The following SYT1 variants were observed in gnomAD, a reference collection of about 807,000 sequenced individuals.
SYT1 encodes the protein synaptotagmin-1.
SYT1 carries 8 observed loss-of-function variants against 44.8 expected under a neutral mutation model. That is an observed-to-expected ratio of 0.18 (90% CI 0.10 to 0.32). The LOEUF is 0.32. Ranked by LOEUF, SYT1 falls within the 10% of genes least tolerant of loss-of-function variation. SYT1 has a pLI of 1.00. For missense variants in SYT1, 286 were observed against 509.3 expected, an observed-to-expected ratio of 0.56 and a Z score of 4.22; for synonymous variants, 154 against 188.8, an observed-to-expected ratio of 0.82 and a Z score of 1.51.
At chr12:79,098,209 C>A (rs1395553965) in intron 3 of SYT1, among the ~76,000 whole-genome samples, 1 of 151,950 alleles carries the variant, frequency 6.6e-6, no homozygotes, top group Non-Finnish European at 1.5e-5. Flanking sequence ...CAACAACTTG[C>A]CCAAAGTAAG....
intron 3 of SYT1, among the ~76,000 whole-genome samples, chr12:79,164,611 G>A (rs563953782): frequency 1.8e-3 from 271 of 152,016 alleles, no homozygotes; most frequent in African/African-American, 6.2e-3. Context: ...TCTCTGTTGA[G>A]CCTCTTGTTT....
At chr12:78,982,828 C>G (rs1235838905) in intron 2 of SYT1, among the ~76,000 whole-genome samples, 2 of 152,072 alleles carry the variant, frequency 1.3e-5, no homozygotes, top group African/African-American at 2.4e-5. Flanking sequence ...TTTTTATCTC[C>G]TACACTTCCC....
At chr12:78,871,326 T>C (rs1411394726) in intron 1 of SYT1, among the ~76,000 whole-genome samples, 1 of 151,996 alleles carries the variant, frequency 6.6e-6, no homozygotes, top group East Asian at 1.9e-4. Flanking sequence ...GTATAAACAA[T>C]AAGATAACAT....
chr12:79,262,313 G>A (rs1877873513), intron 4 of SYT1, among the ~76,000 whole-genome samples: 1 of 152,092 alleles, frequency 6.6e-6, no homozygotes, highest in Non-Finnish European at 1.5e-5. Flanking sequence ...TTCTGAAGAA[G>A]AAACTTCTCC....
intron 3 of SYT1, among the ~76,000 whole-genome samples, chr12:79,164,729 A>G (rs1039734966): frequency 1.3e-5 from 2 of 152,092 alleles, no homozygotes; most frequent in South Asian, 4.1e-4. Context: ...GTTGCTTTGC[A>G]AAGTGGATAG....
intron 4 of SYT1, among the ~76,000 whole-genome samples, chr12:79,250,823 T>C (rs1407711912): frequency 3.9e-5 from 6 of 152,186 alleles, no homozygotes. Flanking sequence ...GGGCAAATTA[T>C]GTTATCAGCA....
At chr12:79,222,916 A>G (rs1875263609) in intron 4 of SYT1, among the ~76,000 whole-genome samples, 1 of 151,462 alleles carries the variant, frequency 6.6e-6, no homozygotes, top group Non-Finnish European at 1.5e-5. Flanking sequence ...TTCTTTCATT[A>G]TATTTTTCTT....
chr12:79,220,344 TTTG>T (rs1875083503), intron 4 of SYT1, among the ~76,000 whole-genome samples: 1 of 152,022 alleles, frequency 6.6e-6, no homozygotes, highest in African/African-American at 2.4e-5. Flanking sequence ...GTTTGTCAAT[TTTG>T]TTTAACTTTC....
At chr12:78,963,068 C>T (rs542322505) in intron 1 of SYT1, among the ~76,000 whole-genome samples, 9 of 152,232 alleles carry the variant, frequency 5.9e-5, no homozygotes, top group South Asian at 2.1e-4. Context: ...ATTTGACCTT[C>T]TGTGACTGTC....
intron 3 of SYT1, among the ~76,000 whole-genome samples, chr12:79,200,508 AAAAGGGTATGAAAG>A (rs910243676): frequency 1.3e-5 from 2 of 152,154 alleles, no homozygotes; most frequent in African/African-American, 4.8e-5. Flanking sequence ...TCTGAAACTC[AAAAGGGTATGAAAG>A]AGTAAGAATA....
At chr12:79,432,368 C>G (rs371450805) in intron 9 of SYT1, among the ~76,000 whole-genome samples, 1 of 152,034 alleles carries the variant, frequency 6.6e-6, no homozygotes, top group Non-Finnish European at 1.5e-5. Context: ...CCCCTGCCCC[C>G]CAACCCCACA....
At chr12:79,281,627 A>G (rs1193097754) in intron 4 of SYT1, among the ~76,000 whole-genome samples, 1 of 152,170 alleles carries the variant, frequency 6.6e-6, no homozygotes, top group Non-Finnish European at 1.5e-5. Context: ...TTACTACTAT[A>G]CAATTCATCC....
intron 3 of SYT1, among the ~76,000 whole-genome samples, chr12:79,058,965 A>G (rs970916884): frequency 3.3e-5 from 5 of 152,028 alleles, no homozygotes; most frequent in African/African-American, 1.2e-4. Flanking sequence ...GTCTGTTCTC[A>G]CACTGCTAAT....
chr12:79,152,795 G>A (rs1870354762), intron 3 of SYT1, among the ~76,000 whole-genome samples: 1 of 150,834 alleles, frequency 6.6e-6, no homozygotes, highest in South Asian at 2.1e-4. Flanking sequence ...AGAAATTTTT[G>A]CTAGGAGCAA....
chr12:79,325,877 A>T (rs554816322), intron 8 of SYT1, among the ~76,000 whole-genome samples: 2 of 152,322 alleles, frequency 1.3e-5, no homozygotes, highest in Non-Finnish European at 2.9e-5. Context: ...AAAACTAACA[A>T]GTATGCAGTC....
chr12:79,438,947 G>T (rs927887079), intron 9 of SYT1, among the ~76,000 whole-genome samples: 1 of 152,136 alleles, frequency 6.6e-6, no homozygotes, highest in Non-Finnish European at 1.5e-5. Flanking sequence ...AGACAGTATA[G>T]AGTTTTCTCA....
chr12:79,443,185 G>C (rs944919321), intron 9 of SYT1, among the ~76,000 whole-genome samples: 2 of 152,022 alleles, frequency 1.3e-5, no homozygotes, highest in African/African-American at 4.8e-5. Flanking sequence ...AGTGTGTACC[G>C]GTCTCTTCTC....
At chr12:79,133,390 C>CA (rs546889549) in intron 3 of SYT1, among the ~76,000 whole-genome samples, 30 of 151,412 alleles carry the variant, frequency 2.0e-4, no homozygotes, top group Non-Finnish European at 4.1e-4. Context: ...TCTCAAAAAA[C>CA]AAAAAAACTA....
At chr12:78,886,419 A>T (rs1039893560) in intron 1 of SYT1, among the ~76,000 whole-genome samples, 1 of 152,024 alleles carries the variant, frequency 6.6e-6, no homozygotes, top group African/African-American at 2.4e-5. Context: ...TGATACCAAC[A>T]TTCACAGGGA....
Sources: allele counts gnomAD v4.1 joint callset (sites outside exome capture counted in the v4.1 genomes callset), GRCh38; gene constraint gnomAD v4.1.1; transcripts MANE v1.5; gene names NCBI Gene and HGNC (gene_info 2026-07-23, HGNC 2026-07-21).